Variants in URI1 observed in about 807,000 individuals in gnomAD.
URI1 encodes the protein unconventional prefoldin RPB5 interactor 1.
URI1 carries 39 observed loss-of-function variants against 60.2 expected under a neutral mutation model. That is an observed-to-expected ratio of 0.65 (90% CI 0.50 to 0.85). URI1 has a LOEUF of 0.85. Ranked by LOEUF, URI1 falls within the 40% of genes least tolerant of loss-of-function variation. The pLI is 0.00. For missense variants in URI1, 691 were observed against 665.9 expected (o/e 1.04, Z -0.42); for synonymous variants, 251 against 236.8 (o/e 1.06, Z -0.55).
At chr19:29,927,245 G>A (rs564398931) in intron 1 of URI1, among the ~76,000 whole-genome samples, 9 of 148,456 alleles carry the variant, frequency 6.1e-5, no homozygotes, top group Non-Finnish European at 1.2e-4. Context: ...AAGAGATGAA[G>A]TCTAATTTCA....
chr19:29,948,420 T>C (rs1208207262), intron 1 of URI1, among the ~76,000 whole-genome samples: 1 of 152,362 alleles, frequency 6.6e-6, no homozygotes, highest in South Asian at 2.1e-4. Flanking sequence ...CCAAGTTTGC[T>C]ATGAGTTTTT....
intron 5 of URI1, 86 bp downstream of exon 5, chr19:30,005,538 A>G (rs2145432015): frequency 6.0e-6 from 9 of 1,489,400 alleles, no homozygotes; most frequent in Non-Finnish European, 8.2e-6. Context: ...GAACAAATTA[A>G]TTGAAGTTTA....
At chr19:29,983,240 T>C (rs892115837) in intron 2 of URI1, 33 of 152,218 alleles carry the variant, frequency 2.2e-4, no homozygotes, top group East Asian at 1.9e-4. Flanking sequence ...GTTAAACTCA[T>C]TGCTTACCTC....
rs149000404 is a variant in URI1 at position 29,924,446 on chromosome 19, C to T, written c.63+692C>T. ...GGTGTACTGGCGATCTAAACAAACA[C>T]GTGCATTATAGGGGGTTTCTGTCAT... On this transcript the variant is annotated intron_variant, in intron 1 of 10. Coordinates refer to the URI1 transcript ENST00000360605. 1.6e-4 allele frequency among the ~76,000 whole-genome samples: 25 copies of T among 152,316 alleles called. 2 individuals carry two copies. In the East Asian group the frequency reaches 2.9e-3, roughly 18 times the overall value.
chr19:29,990,619 A>C (rs1217548741), intron 4 of URI1, among the ~76,000 whole-genome samples: 1 of 152,244 alleles, frequency 6.6e-6, no homozygotes, highest in African/African-American at 2.4e-5. Context: ...CAGTCACAAA[A>C]GACCATATAT....
rs373703249 is a variant in URI1 at position 29,996,322 on chromosome 19, G to A, written c.368-9039G>A. 3.3e-5 allele frequency among the ~76,000 whole-genome samples: 5 copies of A among 152,094 alleles called. No homozygotes were observed. In the East Asian group the frequency reaches 5.8e-4, roughly 18 times the overall value. On this transcript the variant is annotated intron_variant, in intron 4 of 10. Transcript: ENST00000392271. Reference sequence around the variant, plus strand: ...GTGTGCAAGTCTTGCACCTTCTTAAGAGTTTAGTCCTTTTGGTTCTAGTTT... The same window carrying A: ...GTGTGCAAGTCTTGCACCTTCTTAAAAGTTTAGTCCTTTTGGTTCTAGTTT...
At chr19:29,949,028 G>C (rs1325109852) in intron 1 of URI1, among the ~76,000 whole-genome samples, 2 of 145,962 alleles carry the variant, frequency 1.4e-5, no homozygotes, top group African/African-American at 5.1e-5. Context: ...CTCCCTCCCG[G>C]ACGGGGCAGC....
chr19:30,005,182 A>C (rs1218266622), intron 4 of URI1, among the ~76,000 whole-genome samples, 179 bp from the exon 5 acceptor site: 2 of 152,082 alleles, frequency 1.3e-5, no homozygotes, highest in African/African-American at 4.8e-5. Flanking sequence ...TGCTATATAT[A>C]TAGCACAAAA....
chr19:29,932,467 C>T (rs2054929601), intron 1 of URI1, among the ~76,000 whole-genome samples: 1 of 151,294 alleles, frequency 6.6e-6, no homozygotes, highest in African/African-American at 2.4e-5. Flanking sequence ...CAGGTGTCTG[C>T]CACCGCACCC....
intron 2 of URI1, among the ~76,000 whole-genome samples, chr19:29,974,243 C>G (rs977425430): frequency 6.6e-6 from 1 of 151,814 alleles, no homozygotes; most frequent in Non-Finnish European, 1.5e-5. Flanking sequence ...CTGCCCGGCA[C>G]TCAATAAGTA....
intron 2 of URI1, among the ~76,000 whole-genome samples, chr19:29,979,451 T>C (rs1301234084): frequency 2.0e-5 from 3 of 152,200 alleles, no homozygotes; most frequent in Non-Finnish European, 4.4e-5. Context: ...AACAGGCACC[T>C]GTGATAACTG....
intron 1 of URI1, among the ~76,000 whole-genome samples, chr19:29,936,493 TTC>T (rs1472695970): frequency 6.6e-6 from 1 of 152,192 alleles, no homozygotes; most frequent in Non-Finnish European, 1.5e-5. Flanking sequence ...GCTTTCAAGA[TTC>T]TCTTTTTGTT....
chr19:30,004,324 CAT>C, intron 4 of URI1: 1 of 152,130 alleles, frequency 6.6e-6, no homozygotes, highest in Non-Finnish European at 1.5e-5. Context: ...TATCGGAGAA[CAT>C]GTGCCACTCT....
intron 5 of URI1, 54 bp from the exon 6 acceptor site, chr19:30,005,597 T>C (rs770350421): frequency 3.0e-5 from 47 of 1,583,452 alleles, no homozygotes; most frequent in Admixed American, 1.8e-4. Flanking sequence ...TGGATAATTT[T>C]AGTATGCTGG....
chr19:29,980,626 A>AC (rs1431670125), intron 2 of URI1, among the ~76,000 whole-genome samples: 4 of 145,716 alleles, frequency 2.7e-5, no homozygotes, highest in African/African-American at 1.0e-4. Flanking sequence ...AAAAAAAAAA[A>AC]AAAAAAAAAA....
intron 1 of URI1, among the ~76,000 whole-genome samples, chr19:29,964,452 G>GTTTTTGTTT (rs2055364763): frequency 1.5e-5 from 2 of 137,260 alleles, no homozygotes; most frequent in African/African-American, 5.5e-5. Context: ...TTTTGTTTTT[G>GTTTTTGTTT]TTTTTTGTTT....
chr19:29,994,440 C>G (rs2055785952), intron 4 of URI1, among the ~76,000 whole-genome samples: 1 of 151,998 alleles, frequency 6.6e-6, no homozygotes, highest in Admixed American at 6.6e-5. Context: ...CCTTCCTCCC[C>G]CCATCCCCTG....
At chr19:29,951,853 A>G (rs998813665) in intron 1 of URI1, among the ~76,000 whole-genome samples, 37 of 152,150 alleles carry the variant, frequency 2.4e-4, no homozygotes, top group African/African-American at 8.0e-4. Context: ...TGGCTTGTGC[A>G]TTCTTTTTTC....
Position 29,984,263 on chromosome 19 carries a change from T to C in URI1, c.153-960T>C, listed in dbSNP as rs143673631. Among the ~76,000 whole-genome samples the C allele has an allele frequency of 3.9e-3, 598 of 152,120 alleles. 1 individual carries two copies. Among genetic ancestry groups the C allele is most frequent in the Non-Finnish European group, 6.0e-3 (406 of 67,988 alleles). On this transcript the variant is annotated intron_variant, in intron 2 of 10. Coordinates refer to ENST00000392271, the MANE Select transcript of URI1 (RefSeq NM_003796.3). ...CAACGTGGCGAAGAAACCTAATCTC[T>C]ATGGAAGATACAAAAATTAGCTGGG... is the stretch of plus-strand genomic sequence containing the variant.
Sources: allele counts gnomAD v4.1 joint callset (sites outside exome capture counted in the v4.1 genomes callset), GRCh38; gene constraint gnomAD v4.1.1; transcripts MANE v1.5; gene names NCBI Gene and HGNC (gene_info 2026-07-23, HGNC 2026-07-21).